Variants in RBM47 observed in about 807,000 individuals in gnomAD.
RBM47 encodes RNA binding motif protein 47.
Under a neutral mutation model 47.1 loss-of-function variants are expected in RBM47, and 21 were observed. That is an observed-to-expected ratio of 0.45 (90% CI 0.32 to 0.64). The LOEUF (loss-of-function observed/expected upper bound fraction) is 0.64. RBM47 is among the 30% of genes least tolerant of loss of function. The probability of loss-of-function intolerance (pLI) is 0.05; values close to 1 mark genes in which losing one functional copy is unlikely to be tolerated. For missense variants in RBM47, 708 were observed against 870.9 expected, an observed-to-expected ratio of 0.81 and a Z score of 2.35; for synonymous variants, 375 against 361.7, an observed-to-expected ratio of 1.04 and a Z score of -0.42.
chr4:40,508,610 C>T (rs1724447668), intron 2 of RBM47, among the ~76,000 whole-genome samples: 1 of 152,188 alleles, frequency 6.6e-6, no homozygotes, highest in African/African-American at 2.4e-5. Context: ...AGAGTACATA[C>T]TGTCTGATTC....
At chr4:40,535,452 A>C (rs1268338360) in intron 2 of RBM47, among the ~76,000 whole-genome samples, 4 of 144,720 alleles carry the variant, frequency 2.8e-5, no homozygotes, top group African/African-American at 1.1e-4. Context: ...GCTCACTGCA[A>C]CCTCCGCCTC....
intron 1 of RBM47, among the ~76,000 whole-genome samples, chr4:40,557,737 G>A (rs1050385579): frequency 9.1e-6 from 1 of 110,286 alleles, no homozygotes; most frequent in Non-Finnish European, 2.0e-5. Flanking sequence ...CAACAAGAGC[G>A]AAACCCCACC....
At chr4:40,442,742 GTC>G (rs1485724608) in intron 3 of RBM47, among the ~76,000 whole-genome samples, 1 of 151,970 alleles carries the variant, frequency 6.6e-6, no homozygotes, top group Non-Finnish European at 1.5e-5. Context: ...CAGTGGTGCA[GTC>G]TCTGCTCACT....
At chr4:40,569,334 A>G (rs916153660) in intron 1 of RBM47, among the ~76,000 whole-genome samples, 3 of 151,980 alleles carry the variant, frequency 2.0e-5, no homozygotes, top group African/African-American at 2.4e-5. Flanking sequence ...CTTAAGCACC[A>G]ACAACGGAAG....
intron 6 of RBM47, among the ~76,000 whole-genome samples, chr4:40,431,530 C>T (rs4861127): frequency 0.29 from 43,865 of 151,764 alleles, 6,931 homozygotes; most frequent in South Asian, 0.41. Flanking sequence ...TGGTGGCGTG[C>T]GCCTGTAGTC....
intron 1 of RBM47, among the ~76,000 whole-genome samples, chr4:40,617,077 TG>T (rs1224753798): frequency 6.6e-6 from 1 of 151,826 alleles, no homozygotes; most frequent in African/African-American, 2.4e-5. Context: ...GATTTCACCA[TG>T]TTGGCCAGGC....
intron 1 of RBM47, among the ~76,000 whole-genome samples, chr4:40,624,864 T>C (rs866274573): frequency 1.3e-4 from 14 of 109,934 alleles, no homozygotes; most frequent in South Asian, 6.7e-4. Context: ...CTTTTTCTTT[T>C]TTTTTTTTTT....
At chr4:40,485,185 C>T (rs1363829925) in intron 2 of RBM47, among the ~76,000 whole-genome samples, 1 of 152,148 alleles carries the variant, frequency 6.6e-6, no homozygotes, top group Admixed American at 6.5e-5. Flanking sequence ...AACATGGGTG[C>T]TCAATAATTG....
chr4:40,569,717 A>AT (rs35808684), intron 1 of RBM47, among the ~76,000 whole-genome samples: 146 of 88,760 alleles, frequency 1.6e-3, no homozygotes, highest in Middle Eastern at 0.013. Context: ...CTCTATTCTC[A>AT]TTTTTTTTTT....
chr4:40,520,341 A>G (rs113444495), intron 2 of RBM47, among the ~76,000 whole-genome samples: 41 of 152,132 alleles, frequency 2.7e-4, no homozygotes, highest in African/African-American at 7.2e-4. Context: ...TTTTTTCTCT[A>G]TTGGTTTTGG....
At chr4:40,523,766 G>A (rs1726439244) in intron 2 of RBM47, among the ~76,000 whole-genome samples, 1 of 151,738 alleles carries the variant, frequency 6.6e-6, no homozygotes, top group African/African-American at 2.4e-5. Flanking sequence ...TTTGGAAGCT[G>A]AGGTGGGAGG....
rs764871134 is a variant in RBM47 at position 40,551,072 on chromosome 4, G to A, written c.-239-6566C>T. Among the ~76,000 whole-genome samples the A allele has an allele frequency of 3.7e-4, 57 of 152,170 alleles. 1 individual carries two copies. The highest frequency in any genetic ancestry group is 7.1e-4 in the Non-Finnish European group (48 of 68,030). On this transcript the variant is annotated intron_variant, in intron 1 of 6. Coordinates refer to ENST00000295971, the MANE Select transcript of RBM47 (RefSeq NM_001098634.2). ...TATTTCCTGAGCACAAAAGTGGGCT[G>A]TTAGGAAGCTGTGTAGGTAGCAAGC...
At chr4:40,464,586 G>A (rs1717674512) in intron 3 of RBM47, among the ~76,000 whole-genome samples, 1 of 151,874 alleles carries the variant, frequency 6.6e-6, no homozygotes, top group South Asian at 2.1e-4. Flanking sequence ...TGCAGATGGG[G>A]GCTGACTACT....
At chr4:40,478,584 T>G (rs140676142) in intron 2 of RBM47, among the ~76,000 whole-genome samples, 1 of 152,234 alleles carries the variant, frequency 6.6e-6, no homozygotes, top group Non-Finnish European at 1.5e-5. Flanking sequence ...GACATGATTA[T>G]GTGGCCTATT....
At chr4:40,618,192 A>G (rs951182472) in intron 1 of RBM47, among the ~76,000 whole-genome samples, 1 of 152,062 alleles carries the variant, frequency 6.6e-6, no homozygotes, top group Admixed American at 6.6e-5. Flanking sequence ...ACAGGGAAAC[A>G]TGATTGTACC....
At chr4:40,487,713 C>G (rs1721297605) in intron 2 of RBM47, among the ~76,000 whole-genome samples, 1 of 151,990 alleles carries the variant, frequency 6.6e-6, no homozygotes, top group Admixed American at 6.6e-5. Flanking sequence ...TGGCAAGCCC[C>G]AAGTATGAAG....
intron 1 of RBM47, among the ~76,000 whole-genome samples, chr4:40,564,108 C>T (rs1241290625): frequency 6.6e-6 from 1 of 152,028 alleles, no homozygotes; most frequent in African/African-American, 2.4e-5. Context: ...AGGTCACCAC[C>T]TTCCATGGAA....
At chr4:40,505,351 GC>G in intron 2 of RBM47, among the ~76,000 whole-genome samples, 1 of 152,016 alleles carries the variant, frequency 6.6e-6, no homozygotes, top group East Asian at 1.9e-4. Context: ...AATTAGCCAG[GC>G]ATGGTGGTAT....
chr4:40,517,014 G>C (rs1725657060), intron 2 of RBM47, among the ~76,000 whole-genome samples: 1 of 152,102 alleles, frequency 6.6e-6, no homozygotes, highest in Non-Finnish European at 1.5e-5. Context: ...TATCACAGAA[G>C]TCTTTCCCAT....
Sources: gnomAD v4.1 joint callset for allele counts (sites outside exome capture counted in the v4.1 genomes callset) on GRCh38, gnomAD v4.1.1 for gene constraint, MANE v1.5 for transcripts, NCBI Gene and HGNC (gene_info 2026-07-23, HGNC 2026-07-21) for gene names.